The following SUMF1 variants were observed in gnomAD, a reference collection of about 807,000 sequenced individuals.
SUMF1 encodes the protein sulfatase modifying factor 1.
Under a neutral mutation model 47.6 loss-of-function variants are expected in SUMF1, and 48 were observed. The observed-to-expected ratio is 1.01, with a 90% CI of 0.80 to 1.28. SUMF1 has a LOEUF of 1.28. Ranked by LOEUF, SUMF1 falls within the 50% of genes most tolerant of loss-of-function variation. The pLI, the probability that SUMF1 is intolerant of heterozygous loss-of-function variation, is 0.00. For missense variants in SUMF1, 571 were observed against 485.4 expected (o/e 1.18, Z -1.66); for synonymous variants, 230 against 192.1 (o/e 1.20, Z -1.63).
At chr3:4,151,390 T>C (rs1694320984) in intron 8 of SUMF1, among the ~76,000 whole-genome samples, 1 of 104,240 alleles carries the variant, frequency 9.6e-6, no homozygotes, top group Admixed American at 9.2e-5. Flanking sequence ...TATATATATG[T>C]ATATATATGT....
intron 8 of SUMF1, among the ~76,000 whole-genome samples, chr3:4,181,281 T>G (rs1039025807): frequency 6.6e-6 from 1 of 152,176 alleles, no homozygotes; most frequent in African/African-American, 2.4e-5. Flanking sequence ...TCTACCTCCT[T>G]CCTCATTCCT....
chr3:4,164,064 C>T (rs764587871), intron 8 of SUMF1, among the ~76,000 whole-genome samples: 34 of 152,102 alleles, frequency 2.2e-4, no homozygotes, highest in Non-Finnish European at 4.4e-4. Flanking sequence ...AACTTGTTCC[C>T]CATATTCATA....
At chr3:4,196,288 G>C (rs1179294758) in intron 8 of SUMF1, among the ~76,000 whole-genome samples, 1 of 152,078 alleles carries the variant, frequency 6.6e-6, no homozygotes, top group Non-Finnish European at 1.5e-5. Context: ...AAAGAGAAGA[G>C]GTGGTACTTA....
intron 9 of SUMF1, among the ~76,000 whole-genome samples, chr3:4,054,242 G>A (rs951751764): frequency 3.9e-5 from 6 of 152,100 alleles, no homozygotes; most frequent in African/African-American, 1.4e-4. Flanking sequence ...TCAACACAAA[G>A]CTCTAGTATG....
rs567232120 is a variant in SUMF1, at chr3:4,109,124, T to C, written c.1015-40379A>G. 7.8e-3 allele frequency among the ~76,000 whole-genome samples: 1,190 copies of C among 152,184 alleles called. 20 individuals carry two copies. The highest frequency in any genetic ancestry group is 0.027 in the African/African-American group (1,116 of 41,480). ...AGCTCTTTTAGGGCAGGCCTGGTGGTGACAAAATCTCTCAGCATTTGCTTG... is the reference window on the plus strand; with the variant it reads ...AGCTCTTTTAGGGCAGGCCTGGTGGCGACAAAATCTCTCAGCATTTGCTTG... On this transcript the variant is annotated intron_variant and NMD_transcript_variant, in intron 8 of 12. Coordinates refer to the SUMF1 transcript ENST00000448413.
In SUMF1 at chr3:4,303,877, A is replaced by G. The variant is rs755513194; in HGVS notation, c.1014+72453T>C. The G allele has an allele frequency of 3.9e-6, 5 of 1,284,500 alleles. No homozygotes were observed. In the South Asian group the frequency reaches 5.3e-5, roughly 14 times the overall value. The allele number at this position is 1,284,500 out of a possible 1,614,324, so 79.6% of individuals were successfully genotyped here. The stretch of plus-strand genomic sequence containing the variant: ...TCAGGTGTCTCTCACAGGTAGGATA[A>G]GCCGTGGGGCCTATTAATGGATCGC... On this transcript the variant is annotated intron_variant and NMD_transcript_variant, in intron 8 of 12. Transcript: ENST00000448413.
At chr3:4,396,178 C>A (rs1701032912) in intron 7 of SUMF1, among the ~76,000 whole-genome samples, 1 of 152,208 alleles carries the variant, frequency 6.6e-6, no homozygotes, top group Non-Finnish European at 1.5e-5. Flanking sequence ...AGCTAGAAAG[C>A]AGAGGAGCTG....
At chr3:4,328,450 G>A (rs553479417) in intron 8 of SUMF1, among the ~76,000 whole-genome samples, 1 of 152,100 alleles carries the variant, frequency 6.6e-6, no homozygotes, top group Non-Finnish European at 1.5e-5. Context: ...GGCTGGGGAG[G>A]CCTCACAATC....
intron 8 of SUMF1, among the ~76,000 whole-genome samples, chr3:4,275,949 T>G (rs1039783274): frequency 5.3e-5 from 8 of 152,182 alleles, no homozygotes; most frequent in Non-Finnish European, 1.0e-4. Context: ...TAAAAAATAT[T>G]TTTTTAACTC....
chr3:4,216,309 G>T (rs770931380), intron 8 of SUMF1, among the ~76,000 whole-genome samples: 1 of 152,000 alleles, frequency 6.6e-6, no homozygotes, highest in African/African-American at 2.4e-5. Flanking sequence ...CCTATTTAAT[G>T]AATGGTGTTG....
rs200559153 is a variant in SUMF1, at chr3:4,159,280, T to TA, written c.1015-90536_1015-90535insT. Among the ~76,000 whole-genome samples, 660 of 150,928 alleles carry TA rather than the reference T, an allele frequency of 4.4e-3. 38 individuals carry two copies. The highest frequency in any genetic ancestry group is 0.015 in the African/African-American group (627 of 40,582). ...GTGATTTTCTCTGGTGGTATTTTTT[T>TA]TTTTATTTTTTGTGCATCCATTGCA... On this transcript the variant is annotated intron_variant and NMD_transcript_variant, in intron 8 of 12. Transcript: ENST00000448413.
At chr3:4,240,891 G>A (rs1399082249) in intron 8 of SUMF1, among the ~76,000 whole-genome samples, 1 of 151,864 alleles carries the variant, frequency 6.6e-6, no homozygotes. Context: ...GAAGTGTCAA[G>A]TGACCCTTTA....
At chr3:4,068,361 A>G (rs1376802127) in intron 9 of SUMF1, among the ~76,000 whole-genome samples, 1 of 152,216 alleles carries the variant, frequency 6.6e-6, no homozygotes, top group African/African-American at 2.4e-5. Context: ...TGTGAGCCAC[A>G]TTATCAAAGT....
At chr3:4,262,511 TGCACAA>T (rs1212079848) in intron 8 of SUMF1, among the ~76,000 whole-genome samples, 2 of 152,148 alleles carry the variant, frequency 1.3e-5, no homozygotes, top group Non-Finnish European at 2.9e-5. Flanking sequence ...GCATGGCTGG[TGCACAA>T]GCAAGATCAT....
chr3:4,385,903 TG>T (rs1700656510), intron 7 of SUMF1, among the ~76,000 whole-genome samples: 2 of 152,230 alleles, frequency 1.3e-5, no homozygotes, highest in Non-Finnish European at 2.9e-5. Flanking sequence ...TTCATTAAAT[TG>T]CTTTGGCAAC....
At chr3:4,259,758 A>G (rs1697044940) in intron 8 of SUMF1, among the ~76,000 whole-genome samples, 1 of 152,196 alleles carries the variant, frequency 6.6e-6, no homozygotes, top group East Asian at 1.9e-4. Context: ...TAAAATAAAT[A>G]TATTACATTT....
chr3:4,165,869 C>CT (rs1694692175), intron 8 of SUMF1, among the ~76,000 whole-genome samples: 1 of 146,016 alleles, frequency 6.8e-6, no homozygotes, highest in South Asian at 2.4e-4. Flanking sequence ...GTTTCCCCCC[C>CT]CCCCCCGAGC....
Position 4,162,812 on chromosome 3 carries a change from CT to C in SUMF1, c.1015-94068del, listed in dbSNP as rs368744994. Among the ~76,000 whole-genome samples, 107 of 151,732 alleles carry C rather than the reference CT, an allele frequency of 7.1e-4. 3 individuals are homozygous for C. The highest frequency in any genetic ancestry group is 2.4e-3 in the African/African-American group (99 of 41,312). On this transcript the variant is annotated intron_variant and NMD_transcript_variant, in intron 8 of 12. Coordinates refer to the SUMF1 transcript ENST00000448413. ...CTGATTTTTTGTTCTTATGAAGGTG[CT>C]TTTTTGTGTGGATAGTTGTTAAGTT...
chr3:4,291,255 G>A lies in SUMF1; in HGVS notation c.1014+85075C>T, dbSNP rs955322642. ...TATGTTAACACTGATGGTAGTCCCA[G>A]CTTAACAATAGGCCAGATCATTATA... On this transcript the variant is annotated intron_variant and NMD_transcript_variant, in intron 8 of 12. Coordinates refer to the SUMF1 transcript ENST00000448413. 2.0e-5 allele frequency among the ~76,000 whole-genome samples: 3 copies of A among 152,086 alleles called. No homozygotes were observed. In the East Asian group the frequency reaches 5.8e-4, roughly 29 times the overall value.
Sources: gnomAD v4.1 joint callset for allele counts (sites outside exome capture counted in the v4.1 genomes callset) on GRCh38, gnomAD v4.1.1 for gene constraint, MANE v1.5 for transcripts, NCBI Gene and HGNC (gene_info 2026-07-23, HGNC 2026-07-21) for gene names.